The following PHLDB2 variants were observed in gnomAD, a reference collection of about 807,000 sequenced individuals.
PHLDB2 encodes pleckstrin homology like domain family B member 2.
Under a neutral mutation model 123.6 loss-of-function variants are expected in PHLDB2, and 71 were observed. The observed-to-expected ratio is 0.57, with a 90% confidence interval of 0.47 to 0.70. The LOEUF is 0.70. Ranked by LOEUF, PHLDB2 falls within the 30% of genes least tolerant of loss-of-function variation. The probability of loss-of-function intolerance (pLI) is 0.00; values close to 1 mark genes in which losing one functional copy is unlikely to be tolerated. For missense variants in PHLDB2, 1,446 were observed against 1,519.5 expected (o/e 0.95, Z 0.80); for synonymous variants, 547 against 541.6 (o/e 1.01, Z -0.14).
intron 2 of PHLDB2, chr3:111,845,978 G>C (rs1445318405): frequency 6.3e-7 from 1 of 1,580,232 alleles, no homozygotes; most frequent in African/African-American, 1.3e-5. Flanking sequence ...ATATTTACAA[G>C]TTCTTACTCC....
chr3:111,944,029 A>G (rs557744643), intron 8 of PHLDB2, among the ~76,000 whole-genome samples: 2 of 152,250 alleles, frequency 1.3e-5, no homozygotes, highest in Non-Finnish European at 2.9e-5. Flanking sequence ...AGGTATATTT[A>G]TATAATACAG....
upstream of PHLDB2, among the ~76,000 whole-genome samples, chr3:111,858,169 C>T (rs1433671023): frequency 6.6e-6 from 1 of 152,104 alleles, no homozygotes; most frequent in Non-Finnish European, 1.5e-5. Flanking sequence ...GTGGATGATG[C>T]TGGAAACCAT....
intron 1 of PHLDB2, among the ~76,000 whole-genome samples, chr3:111,862,806 G>A (rs1413494338): frequency 1.3e-5 from 2 of 152,084 alleles, no homozygotes; most frequent in Non-Finnish European, 2.9e-5. Flanking sequence ...TAAAGTCATG[G>A]GATTTGGGAG....
At chr3:111,739,599 A>AAAAAACG (rs1559806166) in intron 1 of PHLDB2, among the ~76,000 whole-genome samples, 1 of 131,698 alleles carries the variant, frequency 7.6e-6, no homozygotes, top group Non-Finnish European at 1.6e-5. Flanking sequence ...AAAACAAACA[A>AAAAAACG]AAAAAAAAAA....
chr3:111,860,800 C>T (rs1045998190), intron 1 of PHLDB2, among the ~76,000 whole-genome samples: 3 of 152,204 alleles, frequency 2.0e-5, no homozygotes, highest in African/African-American at 7.2e-5. Context: ...CTCTAAAGAG[C>T]TCTAGAATGC....
At chr3:111,929,656 G>A (rs1049550657) in intron 5 of PHLDB2, among the ~76,000 whole-genome samples, 6 of 152,212 alleles carry the variant, frequency 3.9e-5, no homozygotes, top group South Asian at 2.1e-4. Flanking sequence ...CACCTCTGCC[G>A]TCCTCTGTGA....
intron 1 of PHLDB2, among the ~76,000 whole-genome samples, chr3:111,814,388 C>T (rs1263781608): frequency 6.6e-6 from 1 of 152,166 alleles, no homozygotes; most frequent in Admixed American, 6.5e-5. Flanking sequence ...ACTCCAGGTT[C>T]TTCAGTTTTG....
chr3:111,905,000 A>G (rs772049086), intron 2 of PHLDB2, among the ~76,000 whole-genome samples: 5 of 152,198 alleles, frequency 3.3e-5, no homozygotes, highest in Non-Finnish European at 7.3e-5. Context: ...ATGAAAGAGA[A>G]CGGCAATGAT....
At chr3:111,748,626 A>T (rs1018021671) in intron 1 of PHLDB2, among the ~76,000 whole-genome samples, 1 of 151,796 alleles carries the variant, frequency 6.6e-6, no homozygotes, top group Non-Finnish European at 1.5e-5. Flanking sequence ...GGTTCGAGCG[A>T]TTCTCTTGCC....
chr3:111,940,675 AG>A, intron 8 of PHLDB2, 30 bp downstream of exon 8: 1 of 1,328,232 alleles, frequency 7.5e-7, no homozygotes, highest in African/African-American at 1.5e-5. Context: ...CACTGGCTAC[AG>A]TAAAACATAG....
intron 1 of PHLDB2, among the ~76,000 whole-genome samples, chr3:111,799,679 A>G (rs2061310896): frequency 6.6e-6 from 1 of 152,202 alleles, no homozygotes; most frequent in South Asian, 2.1e-4. Flanking sequence ...CAGCAATTTC[A>G]CTGCTGGAAA....
At chr3:111,893,486 T>G (rs1250241348) in intron 2 of PHLDB2, among the ~76,000 whole-genome samples, 4 of 152,256 alleles carry the variant, frequency 2.6e-5, no homozygotes, top group Admixed American at 1.3e-4. Flanking sequence ...GAAAGGATCT[T>G]GAGAAACAAT....
At chr3:111,742,105 G>C (rs2059613331) in intron 1 of PHLDB2, among the ~76,000 whole-genome samples, 1 of 152,094 alleles carries the variant, frequency 6.6e-6, no homozygotes, top group African/African-American at 2.4e-5. Flanking sequence ...CACATGTCTG[G>C]TTTGGCTTAA....
chr3:111,890,493 A>G (rs2066416619), intron 2 of PHLDB2, among the ~76,000 whole-genome samples: 1 of 152,248 alleles, frequency 6.6e-6, no homozygotes. Flanking sequence ...TTGTCAAAGC[A>G]TAATTTTCAA....
chr3:111,939,330 CA>C, intron 6 of PHLDB2, 144 bp from the exon 7 acceptor site: 4 of 752,158 alleles, frequency 5.3e-6, no homozygotes, highest in Non-Finnish European at 8.0e-6. Flanking sequence ...GATTTAACTC[CA>C]AAAGATAGTG....
At chr3:111,960,274 A>T in intron 12 of PHLDB2, 1 of 268,940 alleles carries the variant, frequency 3.7e-6, no homozygotes, top group Non-Finnish European at 5.7e-6. Context: ...TGCTGTGTGG[A>T]TTGATCATTA....
At chr3:111,964,733 G>A (rs2071638724) in intron 13 of PHLDB2, among the ~76,000 whole-genome samples, 1 of 152,098 alleles carries the variant, frequency 6.6e-6, no homozygotes, top group Admixed American at 6.6e-5. Flanking sequence ...TCAAGTATAT[G>A]TATGCTCAAT....
chr3:111,949,958 T>C (rs1445438388), intron 10 of PHLDB2: 5 of 944,998 alleles, frequency 5.3e-6, no homozygotes, highest in Non-Finnish European at 6.3e-6. Context: ...ATGTGAAATC[T>C]TTTCTTCTAC....
chr3:111,815,208 T>C (rs1207869474), intron 1 of PHLDB2, among the ~76,000 whole-genome samples: 1 of 152,174 alleles, frequency 6.6e-6, no homozygotes, highest in East Asian at 1.9e-4. Context: ...GTCTCAGGTA[T>C]GTCTTTGTCA....
Sources: gnomAD v4.1 joint callset for allele counts (sites outside exome capture counted in the v4.1 genomes callset) on GRCh38, gnomAD v4.1.1 for gene constraint, MANE v1.5 for transcripts, NCBI Gene and HGNC (gene_info 2026-07-23, HGNC 2026-07-21) for gene names.